Variants in ANKRD17 observed in about 807,000 individuals in gnomAD.
ANKRD17 encodes ankyrin repeat domain-containing protein 17.
In ANKRD17, 19 loss-of-function variants were observed where a neutral mutation model predicts 229.7. That is an observed-to-expected ratio of 0.08 (90% CI 0.06 to 0.12). The LOEUF (loss-of-function observed/expected upper bound fraction) is 0.12. Ranked by LOEUF, ANKRD17 falls within the 10% of genes least tolerant of loss-of-function variation. The pLI, the probability that ANKRD17 is intolerant of heterozygous loss-of-function variation, is 1.00. For synonymous variants in ANKRD17, 1,112 were observed against 1,146.1 expected (o/e 0.97, Z 0.60); for missense variants, 2,176 against 3,176.8 (o/e 0.68, Z 7.57).
At chr4:73,171,366 G>C (rs763019751) in intron 2 of ANKRD17, among the ~76,000 whole-genome samples, 3 of 152,132 alleles carry the variant, frequency 2.0e-5, no homozygotes, top group Non-Finnish European at 4.4e-5. Context: ...CTGGGATTGG[G>C]GTGCACCCCA....
intron 1 of ANKRD17, among the ~76,000 whole-genome samples, chr4:73,204,318 G>A (rs566874366): frequency 8.2e-5 from 11 of 133,734 alleles, no homozygotes; most frequent in Non-Finnish European, 1.5e-4. Context: ...CCGAGATCAC[G>A]TCATTGCAGT....
chr4:73,245,392 A>G (rs978207072), intron 1 of ANKRD17, among the ~76,000 whole-genome samples: 4 of 152,224 alleles, frequency 2.6e-5, no homozygotes, highest in African/African-American at 9.6e-5. Flanking sequence ...AGCCTGACCT[A>G]GTCAGGTGAG....
At position 73,121,910 on chromosome 4, in the gene ANKRD17, A is replaced by T. The variant is rs1198946808; in HGVS notation, c.3493-151T>A. 4.2e-6 allele frequency: 3 copies of T among 712,116 alleles called. No individual in the cohort carries two copies. The African/African-American group carries it at 5.5e-5, about 13-fold the overall frequency. The allele number at this position is 712,116 out of a possible 1,614,324, so 44.1% of individuals were successfully genotyped here. A position where few individuals can be genotyped will look rare whatever the true frequency, so the allele number is the denominator to read the frequency against. ...CTGCATAAAATCAGCCTCTAATGATAGCAGGAGGTCTTAGAAGCCAACAAA... is the reference window on the plus strand; with the variant it reads ...CTGCATAAAATCAGCCTCTAATGATTGCAGGAGGTCTTAGAAGCCAACAAA... On this transcript the variant is annotated intron_variant, in intron 18 of 33. Coordinates refer to ENST00000358602, the MANE Select transcript of ANKRD17 (RefSeq NM_032217.5).
At chr4:73,243,150 C>T (rs940934736) in intron 1 of ANKRD17, among the ~76,000 whole-genome samples, 5 of 152,042 alleles carry the variant, frequency 3.3e-5, no homozygotes, top group Non-Finnish European at 4.4e-5. Flanking sequence ...TGCTACTAGA[C>T]GACAGTCAAG....
At chr4:73,179,514 ATATATTT>A (rs1232678502) in intron 1 of ANKRD17, among the ~76,000 whole-genome samples, 1 of 65,150 alleles carries the variant, frequency 1.5e-5, no homozygotes, top group African/African-American at 4.6e-5. Flanking sequence ...ATATATATAT[ATATATTT>A]TTTTTTTTTT....
chr4:73,172,819 C>T (rs926043978), intron 2 of ANKRD17, among the ~76,000 whole-genome samples: 2 of 151,810 alleles, frequency 1.3e-5, no homozygotes, highest in African/African-American at 4.8e-5. Flanking sequence ...ACAATAGATA[C>T]AAAAAATAAA....
chr4:73,138,016 T>C (rs1218192671), intron 15 of ANKRD17, among the ~76,000 whole-genome samples: 1 of 152,162 alleles, frequency 6.6e-6, no homozygotes, highest in East Asian at 1.9e-4. Context: ...GTAATACCTA[T>C]TCTTCATTAA....
Position 73,154,133 on chromosome 4 carries a change from TAA to T in ANKRD17, c.1001-22_1001-21del. 6.7e-7 allele frequency: 1 copy of T among 1,497,298 alleles called. No individual in the cohort carries two copies. The highest frequency in any genetic ancestry group is 1.4e-5 in the South Asian group (1 of 72,924). 92.8% of individuals were successfully genotyped at this position (1,497,298 alleles called of 1,614,324 possible). On this transcript the variant is annotated intron_variant, in intron 5 of 33. Coordinates refer to ENST00000358602, the MANE Select transcript of ANKRD17 (RefSeq NM_032217.5). ...TATTGCCTATTTTAATTAGGAAAAA[TAA>T]AAAGACATTAACATAAAATACCAAA...
At chr4:73,107,195 A>C (rs943895053) in intron 24 of ANKRD17, among the ~76,000 whole-genome samples, 3 of 152,240 alleles carry the variant, frequency 2.0e-5, no homozygotes, top group African/African-American at 7.2e-5. Context: ...TAACTCACCA[A>C]GTTAATTCAT....
intron 27 of ANKRD17, among the ~76,000 whole-genome samples, chr4:73,096,697 T>G (rs1045999851): frequency 6.6e-6 from 1 of 152,202 alleles, no homozygotes; most frequent in Non-Finnish European, 1.5e-5. Context: ...TAAAATCCCA[T>G]GCAAAACAAA....
intron 1 of ANKRD17, among the ~76,000 whole-genome samples, chr4:73,224,022 C>T (rs974763744): frequency 6.6e-6 from 1 of 152,046 alleles, no homozygotes; most frequent in East Asian, 1.9e-4. Flanking sequence ...GAGGCTGAGG[C>T]GAGCAGATCA....
chr4:73,213,672 G>C (rs1014309970), intron 1 of ANKRD17, among the ~76,000 whole-genome samples: 5 of 152,106 alleles, frequency 3.3e-5, no homozygotes, highest in African/African-American at 1.2e-4. Flanking sequence ...ATAAATTGTT[G>C]CAAAAATATG....
At chr4:73,109,880 A>C (rs1316720641) in intron 24 of ANKRD17, among the ~76,000 whole-genome samples, 1 of 152,024 alleles carries the variant, frequency 6.6e-6, no homozygotes, top group Non-Finnish European at 1.5e-5. Flanking sequence ...AGGATTATTA[A>C]AAGTAGAATT....
Position 73,091,692 on chromosome 4 carries a change from G to T in ANKRD17, c.5936C>A (p.Thr1979Lys), listed in dbSNP as rs755183443. 1 of 1,614,158 alleles carries T rather than the reference G, an allele frequency of 6.2e-7. No homozygotes were observed. The highest frequency in any genetic ancestry group is 8.5e-7 in the Non-Finnish European group (1 of 1,180,026). The change falls in exon 29 of 34, where the codon ACG becomes AAG. Residue 1979 changes from threonine (T) to lysine (K), a missense_variant. By Grantham distance (78) the Thr-to-Lys change is moderately conservative. Around this residue, in one of 18 missense-constraint regions of ANKRD17, gnomAD observed 424 missense variants for 454.0 expected, o/e 0.93. Transcript: ENST00000358602. ...GCCATTTGTAGATGTACCAGGCACCGTTGAAGCTGATGAACTGGTTGTAGT... is the reference window on the plus strand; with the variant it reads ...GCCATTTGTAGATGTACCAGGCACCTTTGAAGCTGATGAACTGGTTGTAGT... ...PTTTTSSSAS[T>K]VPGTSTNGSP...
At chr4:73,148,323 TCA>T (rs1190599541) in intron 8 of ANKRD17, among the ~76,000 whole-genome samples, 1 of 152,222 alleles carries the variant, frequency 6.6e-6, no homozygotes, top group Non-Finnish European at 1.5e-5. Context: ...AGTAATTGTT[TCA>T]CTTTTCCCAA....
rs1190026265 is a variant in ANKRD17 at position 73,142,384 on chromosome 4, T to C, written c.2087A>G (p.Asp696Gly). The change falls in exon 13 of 34, where the codon GAT becomes GGT. Residue 696 changes from aspartate to glycine, a missense_variant and splice_region_variant. By Grantham distance (94) the Asp-to-Gly change is moderately conservative. This residue lies in a region of ANKRD17 where 275 missense variants were observed against 386.9 expected (regional missense o/e 0.71). Transcript: ENST00000358602. ...HGADPTHRLK[D>G]GSTMLIEAAK... is the part of the protein sequence containing the mutation. ...TGCTTCTATCAACATAGTTGAGCCATCCTAAAAGAGTGAATATGGAAGGGG... is the reference window on the plus strand; with the variant it reads ...TGCTTCTATCAACATAGTTGAGCCACCCTAAAAGAGTGAATATGGAAGGGG... 6.3e-7 allele frequency: 1 copy of C among 1,587,438 alleles called. No homozygotes were observed. Among genetic ancestry groups the C allele is most frequent in the Non-Finnish European group, 8.5e-7 (1 of 1,174,154 alleles).
chr4:73,152,710 A>T (rs911985900), intron 6 of ANKRD17, among the ~76,000 whole-genome samples: 11 of 152,226 alleles, frequency 7.2e-5, no homozygotes, highest in African/African-American at 2.4e-4. Flanking sequence ...AAATGCAGCC[A>T]GTACTGGGTT....
chr4:73,144,401 T>A (rs1578180586), intron 11 of ANKRD17, among the ~76,000 whole-genome samples: 1 of 152,204 alleles, frequency 6.6e-6, no homozygotes, highest in Admixed American at 6.5e-5. Context: ...CAAACTTTTT[T>A]AGTGGCAGAA....
intron 1 of ANKRD17, among the ~76,000 whole-genome samples, chr4:73,192,318 T>C (rs977688313): frequency 6.6e-6 from 1 of 151,986 alleles, no homozygotes; most frequent in Non-Finnish European, 1.5e-5. Flanking sequence ...GATCTTCACA[T>C]TGTTAGGTGG....
Sources: gnomAD v4.1 joint callset for allele counts (sites outside exome capture counted in the v4.1 genomes callset) on GRCh38, gnomAD v4.1.1 for gene constraint, gnomAD v4.1.1 regional missense constraint, MANE v1.5 for transcripts, NCBI Gene and HGNC (gene_info 2026-07-23, HGNC 2026-07-21) for gene names.